The following HAAO variants were observed in gnomAD, a reference collection of about 807,000 sequenced individuals.
HAAO encodes the protein 3-hydroxyanthranilate 3,4-dioxygenase.
HAAO carries 49 observed loss-of-function variants against 46.2 expected under a neutral mutation model. The observed-to-expected ratio is 1.06, with a 90% confidence interval of 0.84 to 1.34. HAAO has a LOEUF of 1.34. Among genes scored for constraint, HAAO ranks in the 40% most tolerant of loss-of-function variants. The pLI is 0.00. For missense variants in HAAO, 408 were observed against 364.5 expected (o/e 1.12, Z -0.97); for synonymous variants, 157 against 145.2 (o/e 1.08, Z -0.58).
At position 42,767,396 on chromosome 2, in the gene HAAO, G is replaced by T; in HGVS notation, c.*41C>A. On this transcript the variant is annotated 3_prime_UTR_variant, in exon 10 of 10. Coordinates refer to ENST00000294973, the MANE Select transcript of HAAO (RefSeq NM_012205.3). Reference sequence around the variant, plus strand: ...TTTGGCAGGGATGGCACTCGAGGGTGCTTGGCACACCTGTGGCTGCTTCAG... The same window carrying T: ...TTTGGCAGGGATGGCACTCGAGGGTTCTTGGCACACCTGTGGCTGCTTCAG... 1 of 1,430,302 alleles carries T rather than the reference G, an allele frequency of 7.0e-7. No individual in the cohort carries two copies. Among genetic ancestry groups the T allele is most frequent in the Non-Finnish European group, 9.8e-7 (1 of 1,017,394 alleles). The allele number at this position is 1,430,302 out of a possible 1,614,324, so 88.6% of individuals were successfully genotyped here. A position where few individuals can be genotyped will look rare whatever the true frequency, so the allele number is the denominator to read the frequency against.
At chr2:42,786,512 C>A (rs1166014515) in intron 2 of HAAO, among the ~76,000 whole-genome samples, 2 of 152,166 alleles carry the variant, frequency 1.3e-5, no homozygotes, top group Admixed American at 6.5e-5. Context: ...CAACTCTGCA[C>A]CAGGCTGTGT....
In HAAO at chr2:42,774,932, C is replaced by T. The variant is rs148990959; in HGVS notation, c.351-4350G>A. Among the ~76,000 whole-genome samples, 339 of 141,348 alleles carry T rather than the reference C, an allele frequency of 2.4e-3. 3 individuals carry two copies. Among genetic ancestry groups the T allele is most frequent in the African/African-American group, 8.4e-3 (302 of 35,760 alleles). 92.7% of individuals were successfully genotyped at this position (141,348 alleles called of 152,430 possible). A position where few individuals can be genotyped will look rare whatever the true frequency, so the allele number is the denominator to read the frequency against. On this transcript the variant is annotated intron_variant, in intron 4 of 9. Transcript: ENST00000294973. ...AGGCCTCTAGAGTGGCTAAATTTCCCGTCCCTCCCCACCAACACACACACA... is the reference window on the plus strand; with the variant it reads ...AGGCCTCTAGAGTGGCTAAATTTCCTGTCCCTCCCCACCAACACACACACA...
chr2:42,779,070 A>G (rs11124890), intron 4 of HAAO, among the ~76,000 whole-genome samples: 54,829 of 151,582 alleles, frequency 0.36, 10,707 homozygotes, highest in African/African-American at 0.48. Context: ...CTGAGATCAC[A>G]CCATTGCACT....
chr2:42,790,966 C>T (rs1416241990), intron 1 of HAAO, among the ~76,000 whole-genome samples: 1 of 152,210 alleles, frequency 6.6e-6, no homozygotes, highest in African/African-American at 2.4e-5. Context: ...CCTCCTCTGC[C>T]CAGAACTCTT....
At chr2:42,787,203 A>C (rs1672455034) in intron 2 of HAAO, among the ~76,000 whole-genome samples, 1 of 152,116 alleles carries the variant, frequency 6.6e-6, no homozygotes, top group Admixed American at 6.5e-5. Flanking sequence ...GCTGCTGGCC[A>C]GGCCCCTCAG....
chr2:42,790,426 C>T (rs1216328124), intron 1 of HAAO, among the ~76,000 whole-genome samples: 1 of 151,820 alleles, frequency 6.6e-6, no homozygotes, highest in Non-Finnish European at 1.5e-5. Context: ...AGATTAGAAG[C>T]ACTGGGGGTG....
intron 2 of HAAO, 36 bp downstream of exon 2, chr2:42,788,493 C>G: frequency 7.3e-7 from 1 of 1,373,272 alleles, no homozygotes; most frequent in Non-Finnish European, 1.0e-6. Context: ...GCTCCTTGCC[C>G]GCAGGCCTAG....
At chr2:42,790,532 G>GT (rs377653350) in intron 1 of HAAO, among the ~76,000 whole-genome samples, 2,271 of 146,524 alleles carry the variant, frequency 0.015, 81 homozygotes, top group East Asian at 0.15. Context: ...TGGAAAGTTT[G>GT]TTTTTTTTTT....
chr2:42,767,771 G>T, intron 8 of HAAO, 89 bp downstream of exon 8: 1 of 1,538,160 alleles, frequency 6.5e-7, no homozygotes, highest in Non-Finnish European at 9.0e-7. Context: ...GGCCCCAAGA[G>T]TGGGCCCCGT....
At chr2:42,789,386 A>C (rs1163422195) in intron 1 of HAAO, among the ~76,000 whole-genome samples, 1 of 152,128 alleles carries the variant, frequency 6.6e-6, no homozygotes, top group African/African-American at 2.4e-5. Context: ...CCTGGCCAAC[A>C]TGGTGAAACC....
intron 5 of HAAO, 58 bp from the exon 6 acceptor site, chr2:42,770,244 C>CACTCCCATCGGA: frequency 7.0e-7 from 1 of 1,423,926 alleles, no homozygotes; most frequent in African/African-American, 1.4e-5. Context: ...GAGTGGCCAG[C>CACTCCCATCGGA]GACACACACA....
chr2:42,782,859 T>G (rs1448943844), intron 4 of HAAO: 1 of 461,818 alleles, frequency 2.2e-6, no homozygotes, highest in Admixed American at 2.4e-5. Context: ...TTATCTTACA[T>G]ATATTGATCG....
At chr2:42,771,672 C>T (rs1671133630) in intron 4 of HAAO, among the ~76,000 whole-genome samples, 1 of 152,266 alleles carries the variant, frequency 6.6e-6, no homozygotes, top group South Asian at 2.1e-4. Context: ...GAGCACCTGG[C>T]AGGCTGGGAT....
At chr2:42,772,809 C>T (rs1671235043) in intron 4 of HAAO, among the ~76,000 whole-genome samples, 1 of 151,858 alleles carries the variant, frequency 6.6e-6, no homozygotes, top group African/African-American at 2.4e-5. Flanking sequence ...AAGATGTAGG[C>T]CAAAGTATCC....
At chr2:42,772,411 G>C (rs1252698915) in intron 4 of HAAO, among the ~76,000 whole-genome samples, 1 of 151,438 alleles carries the variant, frequency 6.6e-6, no homozygotes, top group African/African-American at 2.4e-5. Flanking sequence ...AACCCGGGAG[G>C]CAGAGGTTGC....
chr2:42,789,924 C>T (rs1672662253), intron 1 of HAAO, among the ~76,000 whole-genome samples: 1 of 152,186 alleles, frequency 6.6e-6, no homozygotes, highest in South Asian at 2.1e-4. Flanking sequence ...TCAGGGTGTT[C>T]TCAGGTGGCC....
intron 4 of HAAO, among the ~76,000 whole-genome samples, chr2:42,777,989 G>T (rs1456967721): frequency 3.5e-5 from 5 of 144,108 alleles, no homozygotes; most frequent in Non-Finnish European, 7.9e-5. Flanking sequence ...AATTTCATAT[G>T]AGAAAGACTC....
intron 2 of HAAO, among the ~76,000 whole-genome samples, chr2:42,786,408 A>G (rs950307066): frequency 5.9e-5 from 9 of 152,154 alleles, no homozygotes; most frequent in African/African-American, 2.2e-4. Flanking sequence ...CAGGCAGATA[A>G]TGAATAGAAT....
At chr2:42,770,429 G>A (rs1364005572) in intron 5 of HAAO, 64 bp downstream of exon 5, 4 of 1,187,986 alleles carry the variant, frequency 3.4e-6, no homozygotes, top group East Asian at 5.1e-5. Flanking sequence ...CTTTCTCCCA[G>A]GGCATCAGGT....
Sources: allele counts gnomAD v4.1 joint callset (sites outside exome capture counted in the v4.1 genomes callset), GRCh38; gene constraint gnomAD v4.1.1; transcripts MANE v1.5; gene names NCBI Gene and HGNC (gene_info 2026-07-23, HGNC 2026-07-21).